Variants in XKR9 observed in about 807,000 individuals in gnomAD.
XKR9 encodes XK related 9.
Under a neutral mutation model 32.0 loss-of-function variants are expected in XKR9, and 32 were observed. The ratio of observed to expected loss-of-function variants is 1.00; its 90% CI spans 0.76 to 1.34. XKR9 has a LOEUF of 1.34. Among genes scored for constraint, XKR9 ranks in the 40% most tolerant of loss-of-function variants. The pLI is 0.00. For synonymous variants in XKR9, 168 were observed against 143.4 expected (o/e 1.17, Z -1.22); for missense variants, 546 against 429.7 (o/e 1.27, Z -2.39).
the XKR9 span, among the ~76,000 whole-genome samples, chr8:70,910,667 G>C: frequency 1.3e-5 from 2 of 152,180 alleles, no homozygotes; most frequent in African/African-American, 2.4e-5. Flanking sequence ...AAACGTTGCA[G>C]CTTAAAACAA....
At chr8:71,006,902 A>G in the XKR9 span, among the ~76,000 whole-genome samples, 1 of 152,174 alleles carries the variant, frequency 6.6e-6, no homozygotes, top group Non-Finnish European at 1.5e-5. Flanking sequence ...AATGAATGAT[A>G]AGTCATATTG....
the XKR9 span, among the ~76,000 whole-genome samples, chr8:70,871,392 A>G: frequency 6.6e-6 from 1 of 152,170 alleles, no homozygotes; most frequent in East Asian, 1.9e-4. Flanking sequence ...ACCCTGCATT[A>G]AGCATCTATC....
At chr8:70,788,328 C>A (rs1428977145) in intron 2 of XKR9, among the ~76,000 whole-genome samples, 1 of 152,100 alleles carries the variant, frequency 6.6e-6, no homozygotes, top group African/African-American at 2.4e-5. Flanking sequence ...TCAGTTGTTG[C>A]AACTTTTTCT....
At chr8:70,951,773 A>G in the XKR9 span, among the ~76,000 whole-genome samples, 1 of 152,206 alleles carries the variant, frequency 6.6e-6, no homozygotes, top group Admixed American at 6.5e-5. Context: ...ATGGACCTAC[A>G]GTTATAAACC....
the XKR9 span, among the ~76,000 whole-genome samples, chr8:70,891,108 G>A: frequency 6.6e-6 from 1 of 151,654 alleles, no homozygotes; most frequent in African/African-American, 2.4e-5. Context: ...TCTCTAATGA[G>A]ATTTTGTATT....
At chr8:71,021,438 C>T in the XKR9 span, among the ~76,000 whole-genome samples, 368 of 151,138 alleles carry the variant, frequency 2.4e-3, 6 homozygotes, top group African/African-American at 8.5e-3. Context: ...TTGTTGGATA[C>T]AGAGTTTGCA....
chr8:70,703,978 C>G (rs1364564287), intron 3 of XKR9, among the ~76,000 whole-genome samples: 1 of 151,980 alleles, frequency 6.6e-6, no homozygotes, highest in Non-Finnish European at 1.5e-5. Flanking sequence ...GTCAGGAGAT[C>G]AAGACCATCC....
At chr8:70,722,962 G>A (rs200332147) in intron 4 of XKR9, among the ~76,000 whole-genome samples, 1 of 151,852 alleles carries the variant, frequency 6.6e-6, no homozygotes, top group Non-Finnish European at 1.5e-5. Flanking sequence ...TCTTTTCACA[G>A]AGTCCCATAT....
At chr8:71,016,334 A>G in the XKR9 span, among the ~76,000 whole-genome samples, 2 of 152,102 alleles carry the variant, frequency 1.3e-5, no homozygotes, top group African/African-American at 2.4e-5. Context: ...GGCCTATTCC[A>G]CCTGAGATCT....
the XKR9 span, among the ~76,000 whole-genome samples, chr8:71,060,057 T>C: frequency 6.6e-6 from 1 of 152,216 alleles, no homozygotes; most frequent in Non-Finnish European, 1.5e-5. Context: ...AATTGTATCA[T>C]CATTAAAATA....
chr8:70,784,391 T>A (rs1000880235), intron 2 of XKR9, among the ~76,000 whole-genome samples: 2 of 147,296 alleles, frequency 1.4e-5, no homozygotes, highest in Non-Finnish European at 3.0e-5. Context: ...ATGATTTTTT[T>A]ATAGTTTTTA....
intron 2 of XKR9, among the ~76,000 whole-genome samples, chr8:70,756,768 T>C (rs1381159285): frequency 6.6e-6 from 1 of 152,238 alleles, no homozygotes; most frequent in East Asian, 1.9e-4. Context: ...TTAAGATTTC[T>C]ACATATAAGA....
the XKR9 span, among the ~76,000 whole-genome samples, chr8:70,894,849 C>T: frequency 6.6e-6 from 1 of 152,012 alleles, no homozygotes; most frequent in Non-Finnish European, 1.5e-5. Flanking sequence ...CAGCTTGGGG[C>T]TGTTGGGACA....
intron 2 of XKR9, among the ~76,000 whole-genome samples, chr8:70,743,411 T>G (rs992019972): frequency 1.3e-5 from 2 of 152,236 alleles, no homozygotes; most frequent in African/African-American, 4.8e-5. Flanking sequence ...GCCTTTTCTC[T>G]TGAGTATGGG....
the XKR9 span, among the ~76,000 whole-genome samples, chr8:70,815,610 C>A: frequency 6.6e-6 from 1 of 151,840 alleles, no homozygotes; most frequent in East Asian, 1.9e-4. Flanking sequence ...ACTGCAAGCT[C>A]CGCCTCCCGG....
At chr8:70,900,651 G>T in the XKR9 span, among the ~76,000 whole-genome samples, 1 of 151,864 alleles carries the variant, frequency 6.6e-6, no homozygotes, top group Non-Finnish European at 1.5e-5. Flanking sequence ...AGCATACTTG[G>T]CTCATGTATC....
chr8:70,669,725 G>A (rs1272839125), intron 1 of XKR9, among the ~76,000 whole-genome samples, 187 bp downstream of exon 1: 1 of 148,710 alleles, frequency 6.7e-6, no homozygotes, highest in African/African-American at 2.5e-5. Flanking sequence ...GGAGTGCAGT[G>A]GCGCGATCTC....
At chr8:70,724,317 C>T (rs1303653268) in intron 4 of XKR9, among the ~76,000 whole-genome samples, 1 of 152,030 alleles carries the variant, frequency 6.6e-6, no homozygotes, top group African/African-American at 2.4e-5. Context: ...GCTTGCTGGG[C>T]TCCCTGGGTG....
chr8:70,915,836 A>G, the XKR9 span, among the ~76,000 whole-genome samples: 1 of 152,170 alleles, frequency 6.6e-6, no homozygotes, highest in Non-Finnish European at 1.5e-5. Context: ...GGAGACTTGC[A>G]TCTGTAGAGA....
Sources: allele counts gnomAD v4.1 joint callset (sites outside exome capture counted in the v4.1 genomes callset), GRCh38; gene constraint gnomAD v4.1.1; transcripts MANE v1.5; gene names NCBI Gene and HGNC (gene_info 2026-07-23, HGNC 2026-07-21).